The following DOCK9 variants were observed in gnomAD, a reference collection of about 807,000 sequenced individuals.
DOCK9 encodes the protein dedicator of cytokinesis 9, also known as dedicator of cytokinesis protein 9.
A neutral mutation model predicts 263.3 loss-of-function variants in DOCK9; 89 were observed. The observed-to-expected ratio is 0.34, with a 90% CI of 0.28 to 0.40. DOCK9 has a LOEUF of 0.40. Among genes scored for constraint, DOCK9 ranks in the 10% least tolerant of loss-of-function variants. The probability of loss-of-function intolerance (pLI) is 1.00; values close to 1 mark genes in which losing one functional copy is unlikely to be tolerated. For synonymous variants in DOCK9, 976 were observed against 973.1 expected, an observed-to-expected ratio of 1.00 and a Z score of -0.06; for missense variants, 2,140 against 2,603.4, an observed-to-expected ratio of 0.82 and a Z score of 3.87.
Position 99,071,306 on chromosome 13 carries a change from C to CCTTTTTTTTTTTTTTTTTTTTTTT in DOCK9, c.129+14916_129+14917insAAAAAAAAAAAAAAAAAAAAAAAG, listed in dbSNP as rs1286343497. Among the ~76,000 whole-genome samples, 13 of 49,330 alleles carry CCTTTTTTTTTTTTTTTTTTTTTTT rather than the reference C, an allele frequency of 2.6e-4. No homozygotes were observed. The East Asian group carries it at 3.4e-3, about 13-fold the overall frequency. The allele number at this position is 49,330 out of a possible 152,430, so 32.4% of individuals were successfully genotyped here. ...TACAGGTGCTTGCCACCATGCCTGG[C>CCTTTTTTTTTTTTTTTTTTTTTTT]TTTTTTTTTTTTTTTTTTTTTTTTT... On this transcript the variant is annotated intron_variant, in intron 1 of 32. Coordinates refer to the DOCK9 transcript ENST00000427887.
intron 1 of DOCK9, among the ~76,000 whole-genome samples, chr13:99,034,997 CA>C (rs1887718031): frequency 6.6e-6 from 1 of 152,202 alleles, no homozygotes; most frequent in Non-Finnish European, 1.5e-5. Context: ...AAAACTTTCA[CA>C]GTCACCTACT....
intron 1 of DOCK9, among the ~76,000 whole-genome samples, chr13:99,047,621 C>T (rs1440448560): frequency 1.3e-5 from 2 of 151,240 alleles, no homozygotes; most frequent in Non-Finnish European, 2.9e-5. Flanking sequence ...CACCTTCAAG[C>T]CATTCTCCTG....
In DOCK9 at chr13:98,801,593, T is replaced by C. The variant is rs1400348843; in HGVS notation, c.5726-1115A>G. On this transcript the variant is annotated intron_variant, in intron 49 of 52. Transcript: ENST00000682017. ...AAAAACAGCAGGTTCTCATTTACTA[T>C]TTCACATTTCTTATTGCTCTATATA... is the stretch of plus-strand genomic sequence containing the variant. Among the ~76,000 whole-genome samples the C allele has an allele frequency of 2.0e-5, 3 of 152,228 alleles. No homozygotes were observed. The East Asian group carries it at 5.8e-4, about 29-fold the overall frequency.
upstream of DOCK9, among the ~76,000 whole-genome samples, chr13:98,979,608 A>G (rs1047472060): frequency 6.6e-6 from 1 of 152,166 alleles, no homozygotes; most frequent in African/African-American, 2.4e-5. Context: ...AAATAAATTA[A>G]TGGCTTCTAT....
At chr13:99,036,142 T>C (rs982450752) in intron 1 of DOCK9, among the ~76,000 whole-genome samples, 3 of 152,180 alleles carry the variant, frequency 2.0e-5, no homozygotes, top group Non-Finnish European at 4.4e-5. Context: ...GGATGTATAA[T>C]ACATACACAC....
At position 98,829,884 on chromosome 13, in the gene DOCK9, G is replaced by T; in HGVS notation, c.4636-128C>A. On this transcript the variant is annotated intron_variant, in intron 41 of 52. Transcript: ENST00000682017. This position sits in a 1 kb window ranked among gnomAD's most constrained non-coding sequence, Gnocchi z 4.1. ...GGGGTTGGGGGGTGCTTTGAGCAGGGGTCGCTCCGTGTAGGAAACAATGTC... is the reference window on the plus strand; with the variant it reads ...GGGGTTGGGGGGTGCTTTGAGCAGGTGTCGCTCCGTGTAGGAAACAATGTC... 1 of 697,888 alleles carries T rather than the reference G, an allele frequency of 1.4e-6. No homozygotes were observed. The highest frequency in any genetic ancestry group is 1.7e-5 in the South Asian group (1 of 60,584). The allele number at this position is 697,888 out of a possible 1,614,324, so 43.2% of individuals were successfully genotyped here. A position where few individuals can be genotyped will look rare whatever the true frequency, so the allele number is the denominator to read the frequency against.
Position 98,932,877 on chromosome 13 carries a change from T to G in DOCK9, c.244-2620A>C, listed in dbSNP as rs576279179. Among the ~76,000 whole-genome samples, 17 of 152,292 alleles carry G rather than the reference T, an allele frequency of 1.1e-4. No individual in the cohort carries two copies. In the South Asian group the frequency reaches 3.1e-3, roughly 28 times the overall value. Reference sequence around the variant, plus strand: ...TCCTAGGTCCTGACTTCTTTGTAAGTATTACAAAGAAACAGTGACCTTTAT... The same window carrying G: ...TCCTAGGTCCTGACTTCTTTGTAAGGATTACAAAGAAACAGTGACCTTTAT... On this transcript the variant is annotated intron_variant, in intron 2 of 52. Coordinates refer to ENST00000682017, the MANE Select transcript of DOCK9 (RefSeq NM_001366683.2).
chr13:99,056,348 C>T (rs2040922697), intron 1 of DOCK9, among the ~76,000 whole-genome samples: 1 of 151,974 alleles, frequency 6.6e-6, no homozygotes, highest in African/African-American at 2.4e-5. Flanking sequence ...GAGAGTTTGT[C>T]TTTTAAAGCA....
At chr13:98,921,996 C>A (rs1402673377) in intron 6 of DOCK9, 55 bp downstream of exon 6, 25 of 1,392,320 alleles carry the variant, frequency 1.8e-5, no homozygotes, top group Non-Finnish European at 2.4e-5. Context: ...TGTTCTCGAG[C>A]TCTATGGCAG....
At position 98,804,959 on chromosome 13, in the gene DOCK9, G is replaced by C. The variant is rs1324433950; in HGVS notation, c.5725+40C>G. The stretch of plus-strand genomic sequence containing the variant: ...TCCCTCTGGACAGCTCTTTGGCGAG[G>C]TGTCCGGGCTCGTGTCCATGCGGCT... On this transcript the variant is annotated intron_variant, in intron 49 of 52. Transcript: ENST00000682017. 4.5e-6 allele frequency: 7 copies of C among 1,553,988 alleles called. No individual in the cohort carries two copies. The South Asian group carries it at 7.1e-5, about 16-fold the overall frequency.
rs113373605 is a variant in DOCK9 at position 99,013,109 on chromosome 13, CT to C, written c.130-57559del. The stretch of plus-strand genomic sequence containing the variant: ...AATCCCAGGTATCATGAATCTGATT[CT>C]TTTTTTTTTAAGCAATAGGATCTTG... On this transcript the variant is annotated intron_variant, in intron 1 of 32. Transcript: ENST00000427887. Among the ~76,000 whole-genome samples the C allele has an allele frequency of 2.7e-5, 4 of 149,474 alleles. No homozygotes were observed. The East Asian group carries it at 5.9e-4, about 22-fold the overall frequency.
chr13:99,078,329 T>C (rs1457147077), intron 1 of DOCK9, among the ~76,000 whole-genome samples: 9 of 151,968 alleles, frequency 5.9e-5, no homozygotes, highest in Admixed American at 5.2e-4. Flanking sequence ...AAGAGACCCT[T>C]TAGGAATGCC....
chr13:98,975,124 G>A (rs1389744891), intron 1 of DOCK9, among the ~76,000 whole-genome samples: 1 of 152,196 alleles, frequency 6.6e-6, no homozygotes. Context: ...GCTCACGCCT[G>A]TAATCACACT....
chr13:99,042,430 G>C (rs927552836), intron 1 of DOCK9, among the ~76,000 whole-genome samples: 1 of 152,202 alleles, frequency 6.6e-6, no homozygotes, highest in Non-Finnish European at 1.5e-5. Context: ...GCTGAACGGG[G>C]ATCCTTCCCA....
At chr13:98,855,725 C>A (rs577944976) in intron 34 of DOCK9, among the ~76,000 whole-genome samples, 173 bp downstream of exon 34, 2 of 152,244 alleles carry the variant, frequency 1.3e-5, no homozygotes, top group Non-Finnish European at 2.9e-5. Flanking sequence ...AATCAGAGCA[C>A]TTCAAGGAAT....
chr13:98,856,133 T>TC (rs1236684798), intron 33 of DOCK9, 102 bp from the exon 34 acceptor site: 36 of 1,290,058 alleles, frequency 2.8e-5, no homozygotes, highest in Non-Finnish European at 3.5e-5. Flanking sequence ...ACTTATTTTT[T>TC]CTGTTAGGAA....
chr13:99,063,600 C>T (rs994000993), intron 1 of DOCK9, among the ~76,000 whole-genome samples: 2 of 152,234 alleles, frequency 1.3e-5, no homozygotes, highest in Admixed American at 1.3e-4. Flanking sequence ...CTTCACATAC[C>T]TACAACAGGA....
At chr13:99,007,016 CAGG>C (rs1883459791) in intron 1 of DOCK9, among the ~76,000 whole-genome samples, 3 of 152,098 alleles carry the variant, frequency 2.0e-5, no homozygotes, top group Non-Finnish European at 2.9e-5. Context: ...GGTTTGAGCC[CAGG>C]AGGCAGAGGC....
intron 1 of DOCK9, among the ~76,000 whole-genome samples, chr13:99,085,485 C>A (rs2042292105): frequency 6.6e-6 from 1 of 152,242 alleles, no homozygotes; most frequent in Admixed American, 6.5e-5. Context: ...TCGAAAACTT[C>A]ATCTTCCTCA....
Sources: allele counts gnomAD v4.1 joint callset (sites outside exome capture counted in the v4.1 genomes callset), GRCh38; gene constraint gnomAD v4.1.1; non-coding constraint Gnocchi (gnomAD v3.1); transcripts MANE v1.5; gene names NCBI Gene and HGNC (gene_info 2026-07-23, HGNC 2026-07-21).